The following ANK3 variants were observed in gnomAD, a reference collection of about 807,000 sequenced individuals.
ANK3 encodes ankyrin-3.
ANK3 carries 57 observed loss-of-function variants against 370.9 expected under a neutral mutation model. The ratio of observed to expected loss-of-function variants is 0.15; its 90% CI spans 0.12 to 0.19. The LOEUF is 0.19. Ranked by LOEUF, ANK3 falls within the 10% of genes least tolerant of loss-of-function variation. The probability of loss-of-function intolerance (pLI) is 1.00; values close to 1 mark genes in which losing one functional copy is unlikely to be tolerated. For synonymous variants in ANK3, 1,929 were observed against 1,946.3 expected (o/e 0.99, Z 0.23); for missense variants, 4,439 against 5,302.1 (o/e 0.84, Z 5.06).
intron 28 of ANK3, among the ~76,000 whole-genome samples, chr10:60,099,320 A>G (rs1387877228): frequency 6.6e-6 from 1 of 152,100 alleles, no homozygotes; most frequent in Admixed American, 6.5e-5. Flanking sequence ...TGAACTGACA[A>G]CTCTGTATCA....
chr10:60,110,164 C>T (rs1327910747), intron 26 of ANK3, among the ~76,000 whole-genome samples: 2 of 152,024 alleles, frequency 1.3e-5, no homozygotes, highest in Non-Finnish European at 2.9e-5. Context: ...CCCCTAAAAA[C>T]AATGCTAACA....
Position 60,389,670 on chromosome 10 carries a change from T to C in ANK3, c.-132A>G, listed in dbSNP as rs1159529417. On this transcript the variant is annotated 5_prime_UTR_variant, in exon 1 of 44. It adds an upstream start codon to the 5' untranslated region. Transcript: ENST00000280772. ...AAAGCTTTGACTAGAAGCAGGAAGA[T>C]ATTCACAATGCAAAGATGCTGGAGA... The C allele has an allele frequency of 8.1e-6, 12 of 1,473,934 alleles. No homozygotes were observed. Among genetic ancestry groups the C allele is most frequent in the Non-Finnish European group, 8.9e-6 (10 of 1,118,472 alleles). The allele number at this position is 1,473,934 out of a possible 1,614,324, so 91.3% of individuals were successfully genotyped here.
intron 4 of ANK3, 119 bp from the exon 5 acceptor site, chr10:60,270,348 C>T (rs2097952727): frequency 2.0e-6 from 1 of 492,088 alleles, no homozygotes; most frequent in African/African-American, 2.0e-5. Flanking sequence ...ATAATACTTT[C>T]ATATAGATAT....
At chr10:60,067,065 A>C (rs1485074568) in intron 38 of ANK3, among the ~76,000 whole-genome samples, 1 of 152,112 alleles carries the variant, frequency 6.6e-6, no homozygotes, top group Non-Finnish European at 1.5e-5. Flanking sequence ...GACGACAGGC[A>C]TGCACCACCA....
chr10:60,588,582 CTG>C (rs1010122663), intron 2 of ANK3, among the ~76,000 whole-genome samples: 15 of 151,932 alleles, frequency 9.9e-5, no homozygotes, highest in Non-Finnish European at 2.1e-4. Flanking sequence ...AAAATCTAAA[CTG>C]TGAGAAATTC....
At chr10:60,121,556 G>A (rs568354105) in intron 25 of ANK3, among the ~76,000 whole-genome samples, 1 of 152,036 alleles carries the variant, frequency 6.6e-6, no homozygotes, top group South Asian at 2.1e-4. Context: ...GCCAAGCGTG[G>A]TGGTGTGTGC....
intron 2 of ANK3, among the ~76,000 whole-genome samples, chr10:60,613,760 A>AG (rs2078231357): frequency 3.1e-5 from 1 of 31,828 alleles, no homozygotes; most frequent in East Asian, 5.2e-4. Context: ...GAACAAAAAC[A>AG]AAAAAAAAAA....
chr10:60,084,773 C>T lies in ANK3; in HGVS notation c.3903G>A (p.Leu1301=), dbSNP rs2086242597. 1 of 1,602,524 alleles carries T rather than the reference C, an allele frequency of 6.2e-7. No homozygotes were observed. The highest frequency in any genetic ancestry group is 1.7e-4 in the Middle Eastern group (1 of 6,034). ...VLETVGLATQ[L]YRELICVPYM... The stretch of plus-strand genomic sequence containing the variant: ...ATGGAACACATATCAATTCTCTGTA[C>T]AGTTGCGTGGCTAACCCCACAGTTT... The change falls in exon 32 of 44, where the codon CTG becomes CTA. Residue 1301 remains leucine (L), a synonymous_variant. Coordinates refer to ENST00000280772, the MANE Select transcript of ANK3 (RefSeq NM_020987.5).
intron 2 of ANK3, among the ~76,000 whole-genome samples, chr10:60,614,152 T>C (rs948743980): frequency 6.6e-6 from 1 of 152,056 alleles, no homozygotes; most frequent in Non-Finnish European, 1.5e-5. Context: ...AGACCATAGA[T>C]AGAAAATAGA....
intron 1 of ANK3, among the ~76,000 whole-genome samples, chr10:60,696,602 G>A (rs894306588): frequency 3.2e-4 from 47 of 148,740 alleles, no homozygotes; most frequent in South Asian, 1.9e-3. Context: ...TTCAATATAC[G>A]CAAATCAATA....
At chr10:60,506,391 A>G (rs946476118) in intron 2 of ANK3, among the ~76,000 whole-genome samples, 17 of 152,094 alleles carry the variant, frequency 1.1e-4, no homozygotes, top group Admixed American at 8.5e-4. Context: ...CTATTTCCGA[A>G]CTTCTATTAA....
At chr10:60,553,288 G>A (rs1048737308) in intron 2 of ANK3, among the ~76,000 whole-genome samples, 1 of 150,430 alleles carries the variant, frequency 6.6e-6, no homozygotes, top group Admixed American at 6.7e-5. Context: ...CTTAGGTTAA[G>A]CTTGATCACT....
intron 26 of ANK3, among the ~76,000 whole-genome samples, chr10:60,113,519 G>C (rs1438717038): frequency 6.6e-6 from 1 of 152,168 alleles, no homozygotes; most frequent in East Asian, 1.9e-4. Flanking sequence ...GAACAGCCTA[G>C]GCAACATGGC....
chr10:60,083,657 G>A (rs2085860007), intron 32 of ANK3, 40 bp from the exon 33 acceptor site: 1 of 1,503,370 alleles, frequency 6.7e-7, no homozygotes, highest in Non-Finnish European at 9.1e-7. Context: ...ATGTTAATCT[G>A]AGTTTAAAAT....
intron 2 of ANK3, among the ~76,000 whole-genome samples, chr10:60,499,804 G>T (rs1283216361): frequency 6.6e-6 from 1 of 152,154 alleles, no homozygotes; most frequent in African/African-American, 2.4e-5. Flanking sequence ...GCACACATAA[G>T]AGAGTGTTGT....
intron 27 of ANK3, 126 bp downstream of exon 27, chr10:60,108,704 T>C: frequency 1.3e-6 from 1 of 770,748 alleles, no homozygotes; most frequent in Non-Finnish European, 2.1e-6. Context: ...TTTGACACTT[T>C]ACAAAAAGTA....
chr10:60,631,016 A>G (rs908830615), intron 1 of ANK3, among the ~76,000 whole-genome samples: 1 of 152,166 alleles, frequency 6.6e-6, no homozygotes, highest in Non-Finnish European at 1.5e-5. Flanking sequence ...ATTTGGGTAC[A>G]GGAGATAAAA....
At chr10:60,317,710 A>ATTT (rs11365078) in intron 1 of ANK3, among the ~76,000 whole-genome samples, 3 of 109,342 alleles carry the variant, frequency 2.7e-5, no homozygotes, top group African/African-American at 6.7e-5. Context: ...TCATGAGATA[A>ATTT]TTTTTTTTTT....
intron 1 of ANK3, among the ~76,000 whole-genome samples, chr10:60,291,739 C>CT (rs1434507493): frequency 2.0e-5 from 3 of 151,978 alleles, no homozygotes; most frequent in Non-Finnish European, 4.4e-5. Flanking sequence ...CTTTCTTTTT[C>CT]TTTTTTTACC....
Sources: allele counts gnomAD v4.1 joint callset (sites outside exome capture counted in the v4.1 genomes callset), GRCh38; gene constraint gnomAD v4.1.1; transcripts MANE v1.5; gene names NCBI Gene and HGNC (gene_info 2026-07-23, HGNC 2026-07-21).